DPP4: variants seen among roughly 807,000 people sequenced by gnomAD.
DPP4 encodes dipeptidyl peptidase 4.
DPP4 carries 93 observed loss-of-function variants against 122.4 expected under a neutral mutation model. The ratio of observed to expected loss-of-function variants is 0.76; its 90% CI spans 0.64 to 0.90. DPP4 has a LOEUF of 0.90. DPP4 is among the 40% of genes least tolerant of loss of function. The pLI, the probability that DPP4 is intolerant of heterozygous loss-of-function variation, is 0.00. For missense variants in DPP4, 914 were observed against 907.3 expected (o/e 1.01, Z -0.09); for synonymous variants, 321 against 302.9 (o/e 1.06, Z -0.62).
chr2:162,005,863 C>T lies in DPP4; in HGVS notation c.1988-54G>A, dbSNP rs41268647. ...TTTAATTCATACAATAACAACTTTTCTTGCTTTTAATGGGCCACTTCAGTG... is the reference window on the plus strand; with the variant it reads ...TTTAATTCATACAATAACAACTTTTTTTGCTTTTAATGGGCCACTTCAGTG... On this transcript the variant is annotated intron_variant, in intron 22 of 25. Transcript: ENST00000360534. 5.6e-3 allele frequency: 8,238 copies of T among 1,474,208 alleles called. 30 individuals are homozygous for T. The highest frequency in any genetic ancestry group is 9.0e-3 in the Middle Eastern group (52 of 5,768). The allele number at this position is 1,474,208 out of a possible 1,614,324, so 91.3% of individuals were successfully genotyped here. A position where few individuals can be genotyped will look rare whatever the true frequency, so the allele number is the denominator to read the frequency against.
chr2:162,011,752 A>G, intron 20 of DPP4, 41 bp downstream of exon 20: 1 of 1,591,670 alleles, frequency 6.3e-7, no homozygotes, highest in Non-Finnish European at 8.6e-7. Flanking sequence ...AAAGGGGAAA[A>G]AAAATCAGAT....
intron 4 of DPP4, among the ~76,000 whole-genome samples, chr2:162,046,292 G>C (rs960210404): frequency 6.6e-6 from 1 of 152,156 alleles, no homozygotes; most frequent in African/African-American, 2.4e-5. Context: ...AATGGAAACT[G>C]AGAGATACCT....
intron 1 of DPP4, 186 bp from the exon 2 acceptor site, chr2:162,073,672 C>A (rs1443855643): frequency 4.4e-6 from 3 of 674,656 alleles, no homozygotes; most frequent in Non-Finnish European, 7.7e-6. Flanking sequence ...AGGCGGGTGC[C>A]CTTGAACTTG....
intron 20 of DPP4, 129 bp downstream of exon 20, chr2:162,011,664 C>T (rs914959679): frequency 9.3e-5 from 82 of 879,136 alleles, no homozygotes; most frequent in Non-Finnish European, 1.2e-4. Flanking sequence ...TAAAACCTAC[C>T]GTAAGGATAA....
At chr2:162,050,592 AC>A (rs1684347346) in intron 2 of DPP4, among the ~76,000 whole-genome samples, 1 of 152,164 alleles carries the variant, frequency 6.6e-6, no homozygotes, top group Non-Finnish European at 1.5e-5. Flanking sequence ...CGTTAGAATA[AC>A]CCTGCAACCC....
chr2:162,070,347 C>T (rs55702526), intron 2 of DPP4, among the ~76,000 whole-genome samples: 1,633 of 152,154 alleles, frequency 0.011, 18 homozygotes, highest in African/African-American at 0.036. Flanking sequence ...CACTAGCCCC[C>T]GTCCTGTTCT....
chr2:162,065,816 C>A (rs1684926696), intron 2 of DPP4, among the ~76,000 whole-genome samples: 1 of 152,174 alleles, frequency 6.6e-6, no homozygotes, highest in African/African-American at 2.4e-5. Context: ...TAGAAGGGCA[C>A]TTAGCTCTTT....
At chr2:162,069,231 A>C (rs1229418173) in intron 2 of DPP4, among the ~76,000 whole-genome samples, 1 of 152,216 alleles carries the variant, frequency 6.6e-6, no homozygotes, top group East Asian at 1.9e-4. Flanking sequence ...GGATTAAATG[A>C]AAAATACATT....
chr2:162,016,917 G>T (rs1682947060), intron 17 of DPP4, 51 bp from the exon 18 acceptor site: 2 of 1,546,390 alleles, frequency 1.3e-6, no homozygotes, highest in Middle Eastern at 1.7e-4. Context: ...GAAAAATGTG[G>T]ATTATGTAGT....
chr2:162,010,437 T>C (rs1353202208), intron 20 of DPP4, among the ~76,000 whole-genome samples: 3 of 152,254 alleles, frequency 2.0e-5, no homozygotes, highest in African/African-American at 7.2e-5. Flanking sequence ...GTCCAGCTTC[T>C]TTCATTCAAC....
chr2:162,033,608 C>A lies in DPP4; in HGVS notation c.820G>T (p.Asp274Tyr), dbSNP rs772185474. 6.2e-7 allele frequency: 1 copy of A among 1,612,386 alleles called. No homozygotes were observed. Among genetic ancestry groups the A allele is most frequent in the Non-Finnish European group, 8.5e-7 (1 of 1,179,398 alleles). The change falls in exon 10 of 26, where the codon GAC (aspartate) becomes TAC (tyrosine). Residue 274 changes from aspartate to tyrosine, a missense_variant. Asp to Tyr is a radical substitution (Grantham distance 160, BLOSUM62 -3). Coordinates refer to ENST00000360534, the MANE Select transcript of DPP4 (RefSeq NM_001935.4). ...PTVKFFVVNT[D>Y]SLSSVTNATS... is the part of the protein sequence containing the mutation. ...GCATTGGTGACTGAGCTGAGAGAGT[C>A]TGTATTTACAACAAAGAACTTTACA... is the stretch of plus-strand genomic sequence containing the variant.
intron 23 of DPP4, among the ~76,000 whole-genome samples, chr2:161,999,557 C>T (rs964400462): frequency 2.6e-5 from 4 of 152,300 alleles, no homozygotes; most frequent in African/African-American, 4.8e-5. Context: ...TGGGAAGGAT[C>T]GGTCCAGTGG....
chr2:162,065,070 G>A (rs745678007), intron 2 of DPP4, among the ~76,000 whole-genome samples: 3 of 152,182 alleles, frequency 2.0e-5, no homozygotes, highest in African/African-American at 7.2e-5. Context: ...CTCCTTCCAT[G>A]TGCTAGCAAA....
At chr2:162,054,022 C>T (rs969038893) in intron 2 of DPP4, among the ~76,000 whole-genome samples, 12 of 152,070 alleles carry the variant, frequency 7.9e-5, no homozygotes, top group Admixed American at 3.3e-4. Context: ...CCAGCAAAGC[C>T]TTACTGGGGG....
intron 8 of DPP4, 50 bp downstream of exon 8, chr2:162,038,252 T>C: frequency 2.0e-6 from 3 of 1,472,286 alleles, no homozygotes; most frequent in Non-Finnish European, 2.7e-6. Flanking sequence ...CATTTAACTA[T>C]TTTAAAAGCT....
At chr2:161,997,551 G>A (rs1021778050) in intron 23 of DPP4, among the ~76,000 whole-genome samples, 1 of 152,128 alleles carries the variant, frequency 6.6e-6, no homozygotes, top group Admixed American at 6.5e-5. Flanking sequence ...TAGTTTTGCA[G>A]AATCAAGTGT....
intron 10 of DPP4, among the ~76,000 whole-genome samples, chr2:162,032,717 A>C (rs1391945463): frequency 6.6e-6 from 1 of 151,884 alleles, no homozygotes; most frequent in East Asian, 1.9e-4. Context: ...AACAAAAAAA[A>C]AAACAGCAAC....
At chr2:162,067,687 T>A (rs1281739274) in intron 2 of DPP4, among the ~76,000 whole-genome samples, 2 of 152,188 alleles carry the variant, frequency 1.3e-5, no homozygotes, top group Non-Finnish European at 2.9e-5. Context: ...CAGTTAGTTC[T>A]AATTTCATGG....
chr2:162,061,338 C>T (rs999243397), intron 2 of DPP4, among the ~76,000 whole-genome samples: 1 of 152,218 alleles, frequency 6.6e-6, no homozygotes, highest in Non-Finnish European at 1.5e-5. Flanking sequence ...CTCAAATAAA[C>T]AGTCTACATT....
Sources: gnomAD v4.1 joint callset for allele counts (sites outside exome capture counted in the v4.1 genomes callset) on GRCh38, gnomAD v4.1.1 for gene constraint, MANE v1.5 for transcripts, NCBI Gene and HGNC (gene_info 2026-07-23, HGNC 2026-07-21) for gene names.